CNBD1: variants seen among roughly 807,000 people sequenced by gnomAD.
The protein encoded by CNBD1 is cyclic nucleotide binding domain containing 1.
Under a neutral mutation model 54.4 loss-of-function variants are expected in CNBD1, and 71 were observed. The ratio of observed to expected loss-of-function variants is 1.30; its 90% confidence interval spans 1.08 to 1.59. The LOEUF is 1.59. CNBD1 is among the 40% of genes most tolerant of loss of function. The pLI, the probability that CNBD1 is intolerant of heterozygous loss-of-function variation, is 0.00. For missense variants in CNBD1, 659 were observed against 518.0 expected, an observed-to-expected ratio of 1.27 and a Z score of -2.64; for synonymous variants, 182 against 170.7, an observed-to-expected ratio of 1.07 and a Z score of -0.51.
chr8:87,378,330 A>G (rs1290971720), intron 10 of CNBD1, among the ~76,000 whole-genome samples: 2 of 147,242 alleles, frequency 1.4e-5, no homozygotes, highest in South Asian at 2.1e-4. Flanking sequence ...TGATTTTTGT[A>G]TAAGGTGTAA....
At chr8:87,351,913 ATT>A in intron 9 of CNBD1, 119 bp downstream of exon 9, 5 of 1,039,674 alleles carry the variant, frequency 4.8e-6, no homozygotes, top group Non-Finnish European at 5.0e-6. Context: ...TTTCTATTCA[ATT>A]TTTTGAAATT....
intron 8 of CNBD1, among the ~76,000 whole-genome samples, chr8:87,323,212 G>A (rs1172565694): frequency 8.5e-6 from 1 of 117,156 alleles, no homozygotes; most frequent in African/African-American, 3.3e-5. Context: ...CTGTAGCCTT[G>A]TAGTATAGTT....
At chr8:87,198,444 T>A (rs1397637949) in intron 4 of CNBD1, among the ~76,000 whole-genome samples, 1 of 152,124 alleles carries the variant, frequency 6.6e-6, no homozygotes, top group Non-Finnish European at 1.5e-5. Flanking sequence ...AAAATTATGA[T>A]ACATGCAAAG....
intron 4 of CNBD1, among the ~76,000 whole-genome samples, chr8:87,106,064 T>C (rs540475777): frequency 6.6e-6 from 1 of 152,324 alleles, no homozygotes; most frequent in African/African-American, 2.4e-5. Context: ...AAACTCTACA[T>C]CAGAGTTAGC....
At chr8:87,249,455 TTCA>T (rs1337800120) in intron 6 of CNBD1, among the ~76,000 whole-genome samples, 1 of 152,112 alleles carries the variant, frequency 6.6e-6, no homozygotes, top group Non-Finnish European at 1.5e-5. Context: ...AGGATGCTTC[TTCA>T]TCATGTTTTT....
At chr8:87,240,362 G>T (rs1449244666) in intron 6 of CNBD1, among the ~76,000 whole-genome samples, 1 of 152,066 alleles carries the variant, frequency 6.6e-6, no homozygotes, top group Admixed American at 6.6e-5. Flanking sequence ...ATATTCAACA[G>T]GCAGGGCCCA....
chr8:87,422,791 T>A (rs1013328977), intron 2 of CNBD1, among the ~76,000 whole-genome samples: 5 of 152,168 alleles, frequency 3.3e-5, no homozygotes, highest in African/African-American at 1.2e-4. Context: ...TTTAAAGTAG[T>A]TTTTCCCAAT....
chr8:87,070,591 C>A (rs1810741112), intron 4 of CNBD1, among the ~76,000 whole-genome samples: 1 of 151,104 alleles, frequency 6.6e-6, no homozygotes, highest in Non-Finnish European at 1.5e-5. Context: ...ATTTTTTTTT[C>A]CTAAGTGTAA....
chr8:87,262,763 C>T (rs1428013940), intron 6 of CNBD1, among the ~76,000 whole-genome samples: 2 of 152,124 alleles, frequency 1.3e-5, no homozygotes, highest in Non-Finnish European at 2.9e-5. Context: ...AAAATATAAA[C>T]ACTTTAAAAG....
intron 8 of CNBD1, among the ~76,000 whole-genome samples, chr8:87,346,725 A>G (rs1464946331): frequency 1.3e-5 from 2 of 152,184 alleles, no homozygotes; most frequent in Admixed American, 6.5e-5. Flanking sequence ...ATATTCCCTA[A>G]AATAGCATCT....
intron 10 of CNBD1, among the ~76,000 whole-genome samples, chr8:87,375,820 G>C (rs142104519): frequency 2.0e-5 from 3 of 151,768 alleles, no homozygotes; most frequent in Admixed American, 1.3e-4. Context: ...ACTGAATTCC[G>C]TCACTAAATA....
intron 1 of CNBD1, among the ~76,000 whole-genome samples, chr8:86,883,558 C>G (rs1808634676): frequency 6.6e-6 from 1 of 151,972 alleles, no homozygotes; most frequent in South Asian, 2.1e-4. Flanking sequence ...ATGGAGCAGT[C>G]TAATAATGGG....
chr8:87,081,696 C>T (rs541486591), intron 4 of CNBD1, among the ~76,000 whole-genome samples: 32 of 151,718 alleles, frequency 2.1e-4, no homozygotes, highest in South Asian at 4.2e-4. Context: ...TTAGTAGAAA[C>T]GGGGTTTCAC....
chr8:86,953,335 A>G (rs566054357), intron 4 of CNBD1, among the ~76,000 whole-genome samples: 6 of 152,220 alleles, frequency 3.9e-5, no homozygotes, highest in Non-Finnish European at 7.3e-5. Flanking sequence ...ATCATTAGGT[A>G]TAGATAATAA....
intron 5 of CNBD1, among the ~76,000 whole-genome samples, 152 bp from the exon 6 acceptor site, chr8:87,236,767 A>T (rs897604829): frequency 6.6e-6 from 1 of 152,108 alleles, no homozygotes; most frequent in Non-Finnish European, 1.5e-5. Context: ...TGAGTAAACT[A>T]TTTGAAAATG....
At chr8:87,367,227 G>C (rs936432531) in intron 10 of CNBD1, among the ~76,000 whole-genome samples, 1 of 152,064 alleles carries the variant, frequency 6.6e-6, no homozygotes, top group Non-Finnish European at 1.5e-5. Context: ...CACTTATGTA[G>C]CTTGTTTGTC....
chr8:87,413,115 G>A (rs895233210), intron 2 of CNBD1, among the ~76,000 whole-genome samples: 2 of 152,022 alleles, frequency 1.3e-5, no homozygotes, highest in African/African-American at 2.4e-5. Flanking sequence ...ATTTGTGAGA[G>A]AGACCATGTG....
At chr8:87,318,248 C>A (rs756899218) in intron 8 of CNBD1, among the ~76,000 whole-genome samples, 1 of 151,832 alleles carries the variant, frequency 6.6e-6, no homozygotes, top group Non-Finnish European at 1.5e-5. Flanking sequence ...TCTTTGCATG[C>A]TTTGTAATTT....
intron 3 of CNBD1, among the ~76,000 whole-genome samples, chr8:86,938,342 G>A (rs1489918560): frequency 2.6e-5 from 4 of 152,086 alleles, no homozygotes; most frequent in Non-Finnish European, 5.9e-5. Flanking sequence ...CCAAACTGTT[G>A]CAAACTCTGC....
Sources: gnomAD v4.1 joint callset for allele counts (sites outside exome capture counted in the v4.1 genomes callset) on GRCh38, gnomAD v4.1.1 for gene constraint, MANE v1.5 for transcripts, NCBI Gene and HGNC (gene_info 2026-07-23, HGNC 2026-07-21) for gene names.